TTN: variants seen among roughly 807,000 people sequenced by gnomAD.
The protein encoded by TTN is connectin.
A neutral mutation model predicts 3,223.0 loss-of-function variants in TTN; 1,525 were observed. The ratio of observed to expected loss-of-function variants is 0.47; its 90% confidence interval spans 0.45 to 0.49. The LOEUF is 0.49. Ranked by LOEUF, TTN falls within the 20% of genes least tolerant of loss-of-function variation. The pLI, the probability that TTN is intolerant of heterozygous loss-of-function variation, is 0.00. For missense variants in TTN, 40,786 were observed against 43,424.0 expected, an observed-to-expected ratio of 0.94 and a Z score of 5.40; for synonymous variants, 14,094 against 15,161.0, an observed-to-expected ratio of 0.93 and a Z score of 5.17.
In TTN at chr2:178,729,681, A is replaced by G. The variant is rs752079323; in HGVS notation, c.18572T>C (p.Ile6191Thr). 17 of 1,613,744 alleles carry G rather than the reference A, an allele frequency of 1.1e-5. No homozygotes were observed. The highest frequency in any genetic ancestry group is 9.3e-6 in the Non-Finnish European group (11 of 1,179,716). ...TCACGAACCTTTCACTTTGAGTTCA[A>G]TGCTGCAGCTCGCCGTGCCTGCGTC... ...RNDAGTASCSIELKVKEPPTF... is the reference protein window; with the variant it reads ...RNDAGTASCSTELKVKEPPTF... The change falls in exon 63 of 363, where the codon ATT becomes ACT. Residue 6191 changes from isoleucine to threonine, a missense_variant. Transcript: ENST00000589042.
chr2:178,665,883 A>C (rs1336045407), intron 163 of TTN, 92 bp from the exon 164 acceptor site: 1 of 561,906 alleles, frequency 1.8e-6, no homozygotes, highest in African/African-American at 1.9e-5. Flanking sequence ...TCCAGATGGG[A>C]ACCTTCTCCC....
At chr2:178,579,509 G>T (rs963350239) in intron 319 of TTN, 52 bp downstream of exon 319, 1 of 1,599,152 alleles carries the variant, frequency 6.3e-7, no homozygotes, top group East Asian at 2.2e-5. Flanking sequence ...ACACAAGAGT[G>T]CACTTTCGAT....
In TTN at chr2:178,602,548, G is replaced by A. The variant is rs761825854; in HGVS notation, c.54854C>T (p.Thr18285Met). The change falls in exon 283 of 363, where the codon ACG becomes ATG. Residue 18285 changes from threonine to methionine, a missense_variant. Transcript: ENST00000589042. ...PPSCPEVKDK[T>M]KSSISLGWKP... ...CCATCCTAGTGAGATGCTTGACTTC[G>A]TTTTATCTTTAACTTCTGGGCAAGA... 15 of 1,581,318 alleles carry A rather than the reference G, an allele frequency of 9.5e-6. No individual in the cohort carries two copies. The highest frequency in any genetic ancestry group is 2.7e-5 in the African/African-American group (2 of 73,690).
intron 37 of TTN, 144 bp from the exon 38 acceptor site, chr2:178,769,077 T>G (rs1329080825): frequency 4.4e-6 from 4 of 915,466 alleles, no homozygotes; most frequent in Non-Finnish European, 6.8e-6. Context: ...TTTGATACCT[T>G]CCATGTACTA....
At chr2:178,728,022 T>C (rs756873187) in intron 67 of TTN, 88 bp downstream of exon 67, 362 of 1,437,704 alleles carry the variant, frequency 2.5e-4, no homozygotes, top group Non-Finnish European at 3.3e-4. Context: ...ATCATAGAGA[T>C]TTTAGCTCTA....
At chr2:178,782,724 G>A in intron 18 of TTN, 82 bp downstream of exon 18, 7 of 1,608,608 alleles carry the variant, frequency 4.4e-6, no homozygotes, top group Non-Finnish European at 5.9e-6. Context: ...ATTTCAAGGT[G>A]CACAGAAACC....
intron 24 of TTN, 176 bp downstream of exon 24, chr2:178,778,698 C>G (rs1241045438): frequency 2.4e-6 from 2 of 828,974 alleles, no homozygotes. Context: ...AAATTCTTTG[C>G]TCATCTTACA....
intron 13 of TTN, 80 bp from the exon 14 acceptor site, chr2:178,786,221 G>T: frequency 6.7e-7 from 1 of 1,495,444 alleles, no homozygotes; most frequent in Non-Finnish European, 9.2e-7. Flanking sequence ...AGGACAGGCA[G>T]ATGGCGTCCA....
rs754074745 is a variant in TTN at position 178,764,513 on chromosome 2, C to G, written c.9988+14G>C. 5.0e-6 allele frequency: 8 copies of G among 1,613,834 alleles called. No homozygotes were observed. The highest frequency in any genetic ancestry group is 1.7e-4 in the Middle Eastern group (1 of 5,934). On this transcript the variant is annotated intron_variant, in intron 42 of 362. Coordinates refer to ENST00000589042, the MANE Select transcript of TTN (RefSeq NM_001267550.2). The stretch of plus-strand genomic sequence containing the variant: ...AGGTTTTATTTTCAGCTGGAAGTAG[C>G]GAGGCATTCCTACCTTCCACTGAGA...
chr2:178,733,758 C>T lies in TTN; in HGVS notation c.15631G>A (p.Asp5211Asn). 6.2e-7 allele frequency: 1 copy of T among 1,613,848 alleles called. No homozygotes were observed. Among genetic ancestry groups the T allele is most frequent in the Non-Finnish European group, 8.5e-7 (1 of 1,179,774 alleles). The stretch of plus-strand genomic sequence containing the variant: ...GAAAAGCTCATTTTGATTTTTCCGT[C>T]TTCTCTGATGACCTCTTGACCTTTC... Reference protein sequence around the residue: ...WMKGQEVIREDGKIKMSFSNG... With the variant: ...WMKGQEVIRENGKIKMSFSNG... The change falls in exon 53 of 363, where the codon GAC (aspartate) becomes AAC (asparagine). Residue 5211 changes from aspartate to asparagine, a missense_variant. Asp to Asn is a conservative substitution (Grantham distance 23, BLOSUM62 1). Coordinates refer to ENST00000589042, the MANE Select transcript of TTN (RefSeq NM_001267550.2).
chr2:178,526,761 A>T lies in TTN; in HGVS notation c.*251T>A, dbSNP rs1284431258. On this transcript the variant is annotated 3_prime_UTR_variant, in exon 363 of 363. Coordinates refer to ENST00000589042, the MANE Select transcript of TTN (RefSeq NM_001267550.2). ...AACTTACATTGTAAAATGTCATAAA[A>T]TAAATGGTACAAAACTTTATAACCG... 1 of 328,114 alleles carries T rather than the reference A, an allele frequency of 3.0e-6. No homozygotes were observed. Among genetic ancestry groups the T allele is most frequent in the Non-Finnish European group, 5.5e-6 (1 of 181,892 alleles). 20.3% of individuals were successfully genotyped at this position (328,114 alleles called of 1,614,324 possible). A position where few individuals can be genotyped will look rare whatever the true frequency, so the allele number is the denominator to read the frequency against.
intron 102 of TTN, 113 bp from the exon 103 acceptor site, chr2:178,705,470 A>T: frequency 1.2e-6 from 1 of 841,974 alleles, no homozygotes; most frequent in Non-Finnish European, 1.7e-6. Flanking sequence ...TTCTTTATTC[A>T]ATAAATATTA....
rs748735506 is a variant in TTN, at chr2:178,702,681, G to A, written c.30224-18C>T. Reference sequence around the variant, plus strand: ...TGGTTCAGCTGTTTAAGTACAAAGAGGGTTCAAAGTTAGATTATATAGAGA... The same window carrying A: ...TGGTTCAGCTGTTTAAGTACAAAGAAGGTTCAAAGTTAGATTATATAGAGA... On this transcript the variant is annotated intron_variant, in intron 106 of 362. Transcript: ENST00000589042. The A allele has an allele frequency of 3.1e-6, 5 of 1,605,134 alleles. No individual in the cohort carries two copies. In the South Asian group the frequency reaches 4.4e-5, roughly 14 times the overall value.
Position 178,689,539 on chromosome 2 carries a change from T to C in TTN, c.31903A>G (p.Arg10635Gly). The C allele has an allele frequency of 6.2e-7, 1 of 1,610,464 alleles. No individual in the cohort carries two copies. Among genetic ancestry groups the C allele is most frequent in the Non-Finnish European group, 8.5e-7 (1 of 1,177,924 alleles). Residue 10635 changes from arginine (R) to glycine (G), a missense_variant, in exon 123 of 363, where the codon AGA becomes GGA. Transcript: ENST00000589042. ...TEEKITIVTQ[R>G]EESPPPAVPE... The stretch of plus-strand genomic sequence containing the variant: ...CCTGCTGGTGGTGGAGATTCCTCTC[T>C]TTGAGTTACAATGGTTATTTTTTCT...
rs1162263912 is a variant in TTN, at chr2:178,547,912, T to G, written c.93714A>C (p.Pro31238=). The G allele has an allele frequency of 1.2e-6, 2 of 1,613,734 alleles. No homozygotes were observed. Among genetic ancestry groups the G allele is most frequent in the Admixed American group, 1.7e-5 (1 of 59,972 alleles). The change falls in exon 339 of 363, where the codon CCA becomes CCC. Residue 31238 remains proline (P), a synonymous_variant. Coordinates refer to ENST00000589042, the MANE Select transcript of TTN (RefSeq NM_001267550.2). ...KAGSPFTIDV[P]ISGRPAPKVT... ...CTTTGGGGGCAGGACGACCACTGAT[T>G]GGTACGTCAATGGTAAATGGGCTTC...
chr2:178,689,589 TC>T lies in TTN; in HGVS notation c.31852del (p.Glu10618LysfsTer7). ...KKEAPPAKVP[E>X]VQKGVVTEEK... ...TTCTGTCACAACTCCCTTCTGTACT[TC>T]AGGAACTTGAAGAGACATTTTTAGA... On this transcript the variant is annotated frameshift_variant, in exon 123 of 363. Transcript: ENST00000589042. LOFTEE classifies it high-confidence loss of function. The T allele has an allele frequency of 3.1e-6, 5 of 1,599,222 alleles. No homozygotes were observed. Among genetic ancestry groups the T allele is most frequent in the Non-Finnish European group, 4.3e-6 (5 of 1,174,396 alleles).
At chr2:178,804,134 C>CT (rs2094200209) in intron 2 of TTN, among the ~76,000 whole-genome samples, 1 of 152,182 alleles carries the variant, frequency 6.6e-6, no homozygotes, top group Non-Finnish European at 1.5e-5. Flanking sequence ...TGTGAACCAA[C>CT]TGAAGTTCAG....
chr2:178,581,463 G>A (rs774940634), intron 316 of TTN, 36 bp downstream of exon 316: 68 of 1,518,018 alleles, frequency 4.5e-5, no homozygotes, highest in Non-Finnish European at 5.8e-5. Flanking sequence ...ATGATTAATA[G>A]GAAAAGCCTT....
chr2:178,711,085 G>C lies in TTN; in HGVS notation c.28151C>G (p.Ser9384Cys), dbSNP rs760466007. ...ACCTGTGAGAATGAGCCTGGCACTG[G>C]AAGAAGCAGAGCCTATAGGGTTTGT... is the stretch of plus-strand genomic sequence containing the variant. ...TATNPIGSAS[S>C]SARLILTEGK... is the part of the protein sequence containing the mutation. Residue 9384 changes from serine (S) to cysteine (C), a missense_variant, in exon 97 of 363, where the codon TCC becomes TGC. By Grantham distance (112) the Ser-to-Cys change is moderately radical. Transcript: ENST00000589042. The C allele has an allele frequency of 5.6e-6, 9 of 1,597,394 alleles. No homozygotes were observed. Among genetic ancestry groups the C allele is most frequent in the Non-Finnish European group, 7.7e-6 (9 of 1,171,820 alleles).
Sources: allele counts gnomAD v4.1 joint callset (sites outside exome capture counted in the v4.1 genomes callset), GRCh38; gene constraint gnomAD v4.1.1; transcripts MANE v1.5; gene names NCBI Gene and HGNC (gene_info 2026-07-23, HGNC 2026-07-21).